The following ADAMTSL3 variants were observed in gnomAD, a reference collection of about 807,000 sequenced individuals.
ADAMTSL3 encodes the protein ADAMTS like 3, also known as ADAMTS-like protein 3.
ADAMTSL3 carries 128 observed loss-of-function variants against 201.7 expected under a neutral mutation model. The ratio of observed to expected loss-of-function variants is 0.63; its 90% CI spans 0.55 to 0.73. ADAMTSL3 has a LOEUF of 0.73. Ranked by LOEUF, ADAMTSL3 falls within the 30% of genes least tolerant of loss-of-function variation. The probability of loss-of-function intolerance (pLI) is 0.00; values close to 1 mark genes in which losing one functional copy is unlikely to be tolerated. For synonymous variants in ADAMTSL3, 738 were observed against 748.4 expected (o/e 0.99, Z 0.23); for missense variants, 1,990 against 2,119.6 (o/e 0.94, Z 1.20).
chr15:83,776,333 A>G (rs2063073922), intron 4 of ADAMTSL3, among the ~76,000 whole-genome samples: 1 of 152,202 alleles, frequency 6.6e-6, no homozygotes, highest in Non-Finnish European at 1.5e-5. Flanking sequence ...GTTTAACTCC[A>G]GTGAATTAAA....
chr15:83,714,681 C>T (rs374428380), intron 3 of ADAMTSL3, among the ~76,000 whole-genome samples: 2 of 150,062 alleles, frequency 1.3e-5, no homozygotes, highest in Non-Finnish European at 1.5e-5. Context: ...CCCTCCCTCC[C>T]TCCCTTCCTC....
At position 83,664,055 on chromosome 15, in the gene ADAMTSL3, C is replaced by T. The variant is rs528786135; in HGVS notation, c.69+8225C>T. On this transcript the variant is annotated intron_variant, in intron 2 of 29. Transcript: ENST00000286744. ...GGCAGCCTCCATCTCTCCAGAGGCT[C>T]CTGCCTGGGGGTTATCAGGTGGAGA... is the stretch of plus-strand genomic sequence containing the variant. Among the ~76,000 whole-genome samples the T allele has an allele frequency of 3.3e-5, 5 of 152,316 alleles. 1 individual carries two copies. Among genetic ancestry groups the T allele is most frequent in the African/African-American group, 1.2e-4 (5 of 41,572 alleles).
At position 83,982,650 on chromosome 15, in the gene ADAMTSL3, C is replaced by G; in HGVS notation, c.3022C>G (p.Leu1008Val). 1 of 1,614,188 alleles carries G rather than the reference C, an allele frequency of 6.2e-7. No homozygotes were observed. Among genetic ancestry groups the G allele is most frequent in the South Asian group, 1.1e-5 (1 of 91,078 alleles). The part of the protein sequence containing the change: ...TDNRLIARPA[L>V]REPMREYPGM... ...CAACCGGCTCATCGCACGCCCAGCC[C>G]TCAGGGAGCCTATGAGGGAATATCC... The change falls in exon 21 of 30, where the codon CTC (leucine) becomes GTC (valine). Residue 1008 changes from leucine (L) to valine (V), a missense_variant. Leu to Val is a conservative substitution (Grantham distance 32). Transcript: ENST00000286744.
intron 15 of ADAMTSL3, among the ~76,000 whole-genome samples, chr15:83,902,374 G>A (rs552302725): frequency 1.3e-5 from 2 of 152,208 alleles, no homozygotes; most frequent in South Asian, 4.2e-4. Context: ...GGGTTCAAGC[G>A]ATTCTCCTGC....
At position 83,982,442 on chromosome 15, in the gene ADAMTSL3, A is replaced by G; in HGVS notation, c.2814A>G (p.Arg938=). The G allele has an allele frequency of 6.2e-7, 1 of 1,614,184 alleles. No individual in the cohort carries two copies. The highest frequency in any genetic ancestry group is 8.5e-7 in the Non-Finnish European group (1 of 1,180,040). Residue 938 remains arginine (R), a synonymous_variant, in exon 21 of 30, where the codon CGA becomes CGG. Coordinates refer to ENST00000286744, the MANE Select transcript of ADAMTSL3 (RefSeq NM_207517.3). ...TSVIIKCPVR[R]FQKSLIQWEK... ...TGATTATTAAGTGCCCCGTGCGACG[A>G]TTCCAGAAATCTCTGATCCAGTGGG...
chr15:83,747,445 A>G (rs913996031), intron 3 of ADAMTSL3, among the ~76,000 whole-genome samples: 2 of 152,082 alleles, frequency 1.3e-5, no homozygotes, highest in African/African-American at 2.4e-5. Flanking sequence ...TCCATTTCCT[A>G]TTTGTTAGAC....
intron 23 of ADAMTSL3, among the ~76,000 whole-genome samples, chr15:84,001,857 G>A (rs191189706): frequency 2.0e-5 from 3 of 152,308 alleles, no homozygotes; most frequent in Non-Finnish European, 4.4e-5. Context: ...CCAGGCACAT[G>A]ACCTTGACAC....
intron 16 of ADAMTSL3, among the ~76,000 whole-genome samples, chr15:83,920,981 T>A (rs2066132122): frequency 6.6e-6 from 1 of 152,322 alleles, no homozygotes; most frequent in East Asian, 1.9e-4. Context: ...TAATAATTTT[T>A]AAATAAATTA....
chr15:83,745,416 G>A (rs2062529226), intron 3 of ADAMTSL3, among the ~76,000 whole-genome samples: 2 of 152,264 alleles, frequency 1.3e-5, no homozygotes, highest in South Asian at 4.2e-4. Flanking sequence ...CCCACTGAGT[G>A]GCATAACACT....
At chr15:83,762,264 A>G (rs528252448) in intron 3 of ADAMTSL3, among the ~76,000 whole-genome samples, 4 of 152,208 alleles carry the variant, frequency 2.6e-5, no homozygotes, top group Non-Finnish European at 5.9e-5. Flanking sequence ...AAATACTGCA[A>G]AGTTCACATG....
At chr15:83,963,208 A>T (rs2067006270) in intron 19 of ADAMTSL3, among the ~76,000 whole-genome samples, 1 of 152,124 alleles carries the variant, frequency 6.6e-6, no homozygotes, top group African/African-American at 2.4e-5. Context: ...AGCCAGGCCT[A>T]GCTCAGCAGA....
At chr15:83,936,348 A>G (rs1486557828) in intron 17 of ADAMTSL3, among the ~76,000 whole-genome samples, 1 of 150,950 alleles carries the variant, frequency 6.6e-6, no homozygotes, top group Non-Finnish European at 1.5e-5. Context: ...AATAAAAACT[A>G]TAACAAGCAA....
chr15:83,989,825 A>G (rs1369788992), intron 22 of ADAMTSL3, among the ~76,000 whole-genome samples: 1 of 152,232 alleles, frequency 6.6e-6, no homozygotes, highest in African/African-American at 2.4e-5. Context: ...TTATTTTTGC[A>G]TGCAAATTTT....
chr15:83,999,830 G>T (rs2067758078), intron 23 of ADAMTSL3, among the ~76,000 whole-genome samples: 1 of 152,120 alleles, frequency 6.6e-6, no homozygotes, highest in African/African-American at 2.4e-5. Flanking sequence ...GAATTTTATT[G>T]ATGTCTAGGC....
intron 17 of ADAMTSL3, among the ~76,000 whole-genome samples, chr15:83,940,636 C>T (rs1234247841): frequency 1.3e-5 from 2 of 152,190 alleles, no homozygotes; most frequent in African/African-American, 4.8e-5. Flanking sequence ...GTGACACAAA[C>T]CTTCAGACCA....
At chr15:83,836,886 A>C (rs1002597323) in intron 6 of ADAMTSL3, among the ~76,000 whole-genome samples, 1 of 152,200 alleles carries the variant, frequency 6.6e-6, no homozygotes, top group Non-Finnish European at 1.5e-5. Context: ...AAGTCCCTGC[A>C]CTTAAACACC....
chr15:83,980,967 A>G (rs1239904125), intron 20 of ADAMTSL3, among the ~76,000 whole-genome samples: 2 of 152,216 alleles, frequency 1.3e-5, no homozygotes, highest in South Asian at 2.1e-4. Flanking sequence ...AGCGTGTGCT[A>G]CAACAAGGAG....
chr15:83,979,150 A>G (rs1364448481), intron 20 of ADAMTSL3, among the ~76,000 whole-genome samples: 1 of 152,226 alleles, frequency 6.6e-6, no homozygotes, highest in Non-Finnish European at 1.5e-5. Context: ...GTGCTTCCGC[A>G]CCATCCCAGT....
intron 14 of ADAMTSL3, among the ~76,000 whole-genome samples, chr15:83,898,761 A>G (rs1273345007): frequency 1.3e-5 from 2 of 152,146 alleles, no homozygotes; most frequent in African/African-American, 4.8e-5. Context: ...ATTATTCCCA[A>G]CTATTAGTAA....
Sources: gnomAD v4.1 joint callset for allele counts (sites outside exome capture counted in the v4.1 genomes callset) on GRCh38, gnomAD v4.1.1 for gene constraint, MANE v1.5 for transcripts, NCBI Gene and HGNC (gene_info 2026-07-23, HGNC 2026-07-21) for gene names.